WDR62: variants seen among roughly 807,000 people sequenced by gnomAD.
WDR62 encodes WD repeat domain 62, also known as WD repeat-containing protein 62.
In WDR62, 112 loss-of-function variants were observed where a neutral mutation model predicts 160.6. That is an observed-to-expected ratio of 0.70 (90% confidence interval 0.60 to 0.82). The LOEUF is 0.82. Among genes scored for constraint, WDR62 ranks in the 40% least tolerant of loss-of-function variants. The probability of loss-of-function intolerance (pLI) is 0.00; values close to 1 mark genes in which losing one functional copy is unlikely to be tolerated. For missense variants in WDR62, 1,819 were observed against 1,983.8 expected (o/e 0.92, Z 1.58); for synonymous variants, 792 against 815.1 (o/e 0.97, Z 0.48).
chr19:36,059,274 A>G (rs931275238), intron 2 of WDR62, among the ~76,000 whole-genome samples: 9 of 152,018 alleles, frequency 5.9e-5, no homozygotes, highest in African/African-American at 2.2e-4. Flanking sequence ...ACTGAAGAAG[A>G]TGCTACAGCT....
At chr19:36,063,090 A>G (rs1970746536) in intron 3 of WDR62, among the ~76,000 whole-genome samples, 2 of 152,058 alleles carry the variant, frequency 1.3e-5, no homozygotes, top group South Asian at 2.1e-4. Flanking sequence ...GATTACAGGC[A>G]TATGCCACCA....
At chr19:36,082,925 A>T (rs1485551599) in intron 10 of WDR62, 138 bp from the exon 11 acceptor site, 1 of 743,498 alleles carries the variant, frequency 1.3e-6, no homozygotes, top group Admixed American at 2.1e-5. Flanking sequence ...GCAAGGAAAT[A>T]ATTATTCTGA....
At chr19:36,094,252 CAT>C in intron 20 of WDR62, 88 bp downstream of exon 20, 1 of 1,557,180 alleles carries the variant, frequency 6.4e-7, no homozygotes, top group South Asian at 1.1e-5. Flanking sequence ...GGGCCTGGCA[CAT>C]ATTAAAACTC....
At position 36,104,793 on chromosome 19, in the gene WDR62, C is replaced by G; in HGVS notation, c.4337C>G (p.Thr1446Ser). ...RVLVSSGQVD[T>S]GQQQARTELV... ...TTGGTCTCCAGTGGCCAGGTGGACA[C>G]CGGGCAGCAGCAGGCACGGACTGAG... The change falls in exon 32 of 32, where the codon ACC becomes AGC. Residue 1446 changes from threonine (T) to serine (S), a missense_variant. By Grantham distance (58) the Thr-to-Ser change is moderately conservative. Around this residue, in one of 3 missense-constraint regions of WDR62, gnomAD observed 770 missense variants for 734.2 expected, o/e 1.05. Coordinates refer to ENST00000401500, the MANE Select transcript of WDR62 (RefSeq NM_001083961.2). The G allele has an allele frequency of 6.2e-7, 1 of 1,613,670 alleles. No individual in the cohort carries two copies. The highest frequency in any genetic ancestry group is 8.5e-7 in the Non-Finnish European group (1 of 1,180,010).
intron 3 of WDR62, chr19:36,061,535 C>A (rs1207850662): frequency 2.0e-5 from 3 of 152,220 alleles, no homozygotes. Flanking sequence ...CCCAAATTCC[C>A]CTGTGGCAGT....
chr19:36,093,976 A>G, intron 19 of WDR62, 55 bp from the exon 20 acceptor site: 5 of 1,610,252 alleles, frequency 3.1e-6, no homozygotes, highest in Non-Finnish European at 2.5e-6. Context: ...GCAAGTCCCC[A>G]CCACCAGCCC....
intron 12 of WDR62, among the ~76,000 whole-genome samples, chr19:36,085,771 T>A (rs1031731939): frequency 6.6e-6 from 1 of 152,082 alleles, no homozygotes; most frequent in Non-Finnish European, 1.5e-5. Flanking sequence ...GATTTCCAAG[T>A]GAAGATTTCG....
intron 9 of WDR62, among the ~76,000 whole-genome samples, chr19:36,080,346 C>A (rs1971823201): frequency 6.6e-6 from 1 of 151,916 alleles, no homozygotes. Flanking sequence ...GATCTCCTGA[C>A]CTCGTGATCC....
At chr19:36,071,533 T>C (rs1238654849) in intron 7 of WDR62, 23 bp from the exon 8 acceptor site, 1 of 1,614,202 alleles carries the variant, frequency 6.2e-7, no homozygotes, top group Admixed American at 1.7e-5. Context: ...CCAAATCCAC[T>C]GGGGTCCCTT....
intron 22 of WDR62, among the ~76,000 whole-genome samples, 157 bp from the exon 23 acceptor site, chr19:36,100,591 G>A (rs1481435578): frequency 6.6e-6 from 1 of 152,262 alleles, no homozygotes; most frequent in Non-Finnish European, 1.5e-5. Context: ...GACTGATAAT[G>A]CAGGGGCAGA....
chr19:36,095,756 T>C (rs995346479), intron 20 of WDR62, among the ~76,000 whole-genome samples: 3 of 152,252 alleles, frequency 2.0e-5, no homozygotes, highest in Non-Finnish European at 4.4e-5. Flanking sequence ...ACTGCGCCAC[T>C]GCACTCCAGC....
downstream of WDR62, among the ~76,000 whole-genome samples, chr19:36,109,454 C>A (rs114373810): frequency 0.011 from 1,600 of 152,300 alleles, 12 homozygotes; most frequent in South Asian, 0.042. Context: ...TGTTTAGTTG[C>A]CAGGCGCAAT....
chr19:36,067,186 G>C, intron 5 of WDR62, 120 bp from the exon 6 acceptor site: 1 of 1,349,140 alleles, frequency 7.4e-7, no homozygotes, highest in Non-Finnish European at 1.0e-6. Flanking sequence ...GCTCCCTGGA[G>C]GGTCCCAGGA....
chr19:36,097,252 G>T (rs927996031), intron 21 of WDR62, among the ~76,000 whole-genome samples, 173 bp downstream of exon 21: 2 of 152,194 alleles, frequency 1.3e-5, no homozygotes, highest in Non-Finnish European at 2.9e-5. Flanking sequence ...TCTCTGCCAG[G>T]CATTGTTCTG....
chr19:36,058,960 A>G (rs201694503), intron 2 of WDR62, 89 bp downstream of exon 2: 6 of 1,093,472 alleles, frequency 5.5e-6, no homozygotes, highest in Non-Finnish European at 8.3e-6. Context: ...TCTGAGCCTC[A>G]TATTTTTCAC....
At chr19:36,063,628 G>A (rs1264527154) in intron 3 of WDR62, among the ~76,000 whole-genome samples, 2 of 152,218 alleles carry the variant, frequency 1.3e-5, no homozygotes, top group East Asian at 1.9e-4. Context: ...GCCTCCTCAC[G>A]GGCAGACTCA....
chr19:36,078,575 C>T (rs1201587812), intron 9 of WDR62, among the ~76,000 whole-genome samples: 2 of 151,786 alleles, frequency 1.3e-5, no homozygotes, highest in African/African-American at 2.4e-5. Context: ...TGGCTCACGT[C>T]GGTAATCCCA....
downstream of WDR62, among the ~76,000 whole-genome samples, chr19:36,108,140 C>T (rs147717529): frequency 6.6e-6 from 1 of 152,100 alleles, no homozygotes; most frequent in African/African-American, 2.4e-5. Flanking sequence ...AGCCCTGACT[C>T]CCACACAGGA....
Position 36,065,973 on chromosome 19 carries a change from T to G in WDR62, c.348T>G (p.Ala116=). The change falls in exon 4 of 32, where the codon GCT becomes GCG. Residue 116 remains alanine, a synonymous_variant. Transcript: ENST00000401500. ...IFNTARKSLS[A]LAFSPDGKYI... ...TTATCCCCAGGAAGTCTCTCAGTGCTCTGGCCTTCTCCCCTGATGGGAAGT... is the reference window on the plus strand; with the variant it reads ...TTATCCCCAGGAAGTCTCTCAGTGCGCTGGCCTTCTCCCCTGATGGGAAGT... 1.9e-6 allele frequency: 3 copies of G among 1,614,210 alleles called. No homozygotes were observed. The highest frequency in any genetic ancestry group is 2.5e-6 in the Non-Finnish European group (3 of 1,180,036).
Sources: allele counts gnomAD v4.1 joint callset (sites outside exome capture counted in the v4.1 genomes callset), GRCh38; gene constraint gnomAD v4.1.1; regional missense constraint gnomAD v4.1.1; transcripts MANE v1.5; gene names NCBI Gene and HGNC (gene_info 2026-07-23, HGNC 2026-07-21).